The following CASR variants were observed in gnomAD, a reference collection of about 807,000 sequenced individuals.
CASR encodes extracellular calcium-sensing receptor.
A neutral mutation model predicts 69.1 loss-of-function variants in CASR; 23 were observed. That is an observed-to-expected ratio of 0.33 (90% CI 0.24 to 0.47). The LOEUF (loss-of-function observed/expected upper bound fraction) is 0.47, where lower values mean the gene tolerates loss of function less well. CASR is among the 20% of genes least tolerant of loss of function. The pLI is 1.00. For synonymous variants in CASR, 541 were observed against 544.7 expected (o/e 0.99, Z 0.10); for missense variants, 924 against 1,356.1 (o/e 0.68, Z 5.00).
intron 1 of CASR, among the ~76,000 whole-genome samples, chr3:122,187,635 G>A (rs1399695270): frequency 6.6e-6 from 1 of 152,206 alleles, no homozygotes; most frequent in Non-Finnish European, 1.5e-5. Context: ...GTCAGGGAAA[G>A]GTTCTTGGAG....
intron 2 of CASR, 90 bp from the exon 3 acceptor site, chr3:122,256,991 C>T (rs1576854176): frequency 5.7e-6 from 6 of 1,056,084 alleles, no homozygotes; most frequent in East Asian, 2.4e-5. Context: ...AGTAACAGTT[C>T]GATGATTCAA....
rs751813138 is a variant in CASR at position 122,262,113 on chromosome 3, C to T, written c.1078C>T (p.Leu360Phe). 1.9e-6 allele frequency: 3 copies of T among 1,614,178 alleles called. No homozygotes were observed. The highest frequency in any genetic ancestry group is 2.5e-6 in the Non-Finnish European group (3 of 1,180,028). Residue 360 changes from leucine (L) to phenylalanine (F), a missense_variant, in exon 4 of 7, where the codon CTC (leucine) becomes TTC (phenylalanine). Transcript: ENST00000639785. ...TTGGGAAGAAACATTTAACTGCCAC[C>T]TCCAAGAAGGTGCAAAAGGACCTTT... ...EFWEETFNCH[L>F]QEGAKGPLPV...
intron 1 of CASR, among the ~76,000 whole-genome samples, chr3:122,249,205 T>A (rs2074457974): frequency 6.6e-6 from 1 of 152,268 alleles, no homozygotes; most frequent in Non-Finnish European, 1.5e-5. Context: ...GGCCTTGGCC[T>A]CATGAAGTTT....
rs887793924 is a variant in CASR at position 122,260,768 on chromosome 3, T to G, written c.493-760T>G. ...TGGAGAGGAAGGGAGGTTTTTCTGA[T>G]GATATTTAATTACATACGTCATTGT... On this transcript the variant is annotated intron_variant, in intron 3 of 6. Coordinates refer to ENST00000639785, the MANE Select transcript of CASR (RefSeq NM_000388.4). Among the ~76,000 whole-genome samples the G allele has an allele frequency of 9.9e-5, 15 of 152,102 alleles. 1 individual carries two copies. The highest frequency in any genetic ancestry group is 3.1e-4 in the African/African-American group (13 of 41,488).
chr3:122,254,267 C>T lies in CASR; in HGVS notation c.78C>T (p.Ala26=), dbSNP rs77852524. The T allele has an allele frequency of 3.5e-5, 56 of 1,613,868 alleles. No individual in the cohort carries two copies. The Admixed American group carries it at 9.3e-4, about 27-fold the overall frequency. ...HTSAYGPDQR[A]QKKGDIILGG... ...CTGCCTACGGGCCAGACCAGCGAGC[C>T]CAAAAGAAGGGGGACATTATCCTTG... Residue 26 remains alanine (A), a synonymous_variant, in exon 2 of 7, where the codon GCC becomes GCT. Transcript: ENST00000639785.
chr3:122,235,265 G>A (rs1010440016), intron 1 of CASR, among the ~76,000 whole-genome samples: 2 of 152,232 alleles, frequency 1.3e-5, no homozygotes, highest in Non-Finnish European at 2.9e-5. Context: ...AAAGGTAGAC[G>A]CAAATGATAA....
At chr3:122,262,636 A>G (rs931263921) in intron 4 of CASR, among the ~76,000 whole-genome samples, 1 of 152,258 alleles carries the variant, frequency 6.6e-6, no homozygotes, top group Admixed American at 6.5e-5. Flanking sequence ...ACTGTTCTTT[A>G]GTCCAGTGAT....
In CASR at chr3:122,284,826, C is replaced by A. The variant is rs2074947724; in HGVS notation, c.2872C>A (p.Gln958Lys). 2 of 1,614,180 alleles carry A rather than the reference C, an allele frequency of 1.2e-6. No homozygotes were observed. The highest frequency in any genetic ancestry group is 1.7e-6 in the Non-Finnish European group (2 of 1,180,048). The part of the protein sequence containing the change: ...LTLPQQQRSQ[Q>K]QPRCKQKVIF... ...CCTCCCACAGCAGCAACGATCTCAG[C>A]AGCAGCCCAGATGCAAGCAGAAGGT... Residue 958 changes from glutamine (Q) to lysine (K), a missense_variant, in exon 7 of 7, where the codon CAG becomes AAG. This residue lies in a region of CASR where 201 missense variants were observed against 228.8 expected (regional missense o/e 0.88). Coordinates refer to ENST00000639785, the MANE Select transcript of CASR (RefSeq NM_000388.4).
intron 4 of CASR, among the ~76,000 whole-genome samples, chr3:122,263,144 T>C (rs2074647989): frequency 6.6e-6 from 1 of 152,206 alleles, no homozygotes; most frequent in Non-Finnish European, 1.5e-5. Context: ...ATGTGCCTTA[T>C]TTTTTTCAAT....
chr3:122,194,536 C>T (rs1326946659), intron 1 of CASR, among the ~76,000 whole-genome samples: 3 of 152,170 alleles, frequency 2.0e-5, no homozygotes, highest in Admixed American at 2.0e-4. Context: ...AGGTTTCACC[C>T]TTCCTAATCT....
At chr3:122,277,042 ACTTTT>A (rs2074830395) in intron 5 of CASR, among the ~76,000 whole-genome samples, 1 of 138,092 alleles carries the variant, frequency 7.2e-6, no homozygotes, top group East Asian at 2.0e-4. Flanking sequence ...ATCTTGGACC[ACTTTT>A]CTTTTTTTTT....
intron 1 of CASR, among the ~76,000 whole-genome samples, chr3:122,213,864 T>A (rs2074091503): frequency 1.3e-5 from 2 of 152,226 alleles, no homozygotes; most frequent in African/African-American, 4.8e-5. Context: ...GCAGCTGTGG[T>A]TGCTGAGAGG....
chr3:122,235,661 G>A (rs549971056), intron 1 of CASR, among the ~76,000 whole-genome samples: 1 of 152,196 alleles, frequency 6.6e-6, no homozygotes, highest in Non-Finnish European at 1.5e-5. Context: ...GCCTGGGGTA[G>A]TGGCATGTTC....
Position 122,261,951 on chromosome 3 carries a change from G to A in CASR, c.916G>A (p.Ala306Thr), listed in dbSNP as rs2074630775. 1.2e-6 allele frequency: 2 copies of A among 1,614,054 alleles called. No individual in the cohort carries two copies. Among genetic ancestry groups the A allele is most frequent in the Non-Finnish European group, 8.5e-7 (1 of 1,179,928 alleles). Reference protein sequence around the residue: ...SEAWASSSLIAMPQYFHVVGG... With the variant: ...SEAWASSSLITMPQYFHVVGG... ...GGCCTGGGCCAGCTCCTCCCTGATC[G>A]CCATGCCTCAGTACTTCCACGTGGT... The change falls in exon 4 of 7, where the codon GCC becomes ACC. Residue 306 changes from alanine (A) to threonine (T), a missense_variant. Ala to Thr is a moderately conservative substitution (Grantham distance 58). Coordinates refer to ENST00000639785, the MANE Select transcript of CASR (RefSeq NM_000388.4).
rs199508583 is a variant in CASR at position 122,284,268 on chromosome 3, G to A, written c.2314G>A (p.Ala772Thr). 21 of 1,613,984 alleles carry A rather than the reference G, an allele frequency of 1.3e-5. No individual in the cohort carries two copies. The highest frequency in any genetic ancestry group is 1.7e-5 in the Non-Finnish European group (20 of 1,180,036). ...FITCHEGSLMALGFLIGYTCL... is the reference protein window; with the variant it reads ...FITCHEGSLMTLGFLIGYTCL... ...CACGTGCCACGAGGGCTCCCTCATG[G>A]CCCTGGGCTTCCTGATCGGCTACAC... The change falls in exon 7 of 7, where the codon GCC (alanine) becomes ACC (threonine). Residue 772 changes from alanine (A) to threonine (T), a missense_variant. Physicochemically the swap from Ala to Thr is moderately conservative, Grantham distance 58 (BLOSUM62 0). Around this residue, in one of 8 missense-constraint regions of CASR, gnomAD observed 184 missense variants for 278.8 expected, o/e 0.66. Transcript: ENST00000639785.
chr3:122,257,476 C>A, intron 3 of CASR, 89 bp downstream of exon 3: 1 of 903,284 alleles, frequency 1.1e-6, no homozygotes, highest in Non-Finnish European at 1.7e-6. Flanking sequence ...TACGGTTTAC[C>A]ATATTCCCAT....
At chr3:122,228,444 C>G (rs2074247109) in intron 1 of CASR, among the ~76,000 whole-genome samples, 1 of 152,188 alleles carries the variant, frequency 6.6e-6, no homozygotes, top group Admixed American at 6.5e-5. Flanking sequence ...CCAAGCCTCA[C>G]TTGTGGAACG....
intron 1 of CASR, among the ~76,000 whole-genome samples, chr3:122,228,043 A>G (rs1216501914): frequency 6.6e-6 from 1 of 152,210 alleles, no homozygotes; most frequent in Non-Finnish European, 1.5e-5. Flanking sequence ...AGGGAGGAGC[A>G]GATTCGAATG....
At chr3:122,240,629 ACAGAAAGT>A (rs759393126) in intron 1 of CASR, among the ~76,000 whole-genome samples, 1 of 152,224 alleles carries the variant, frequency 6.6e-6, no homozygotes, top group Non-Finnish European at 1.5e-5. Context: ...GATCTTCCAG[ACAGAAAGT>A]CAGCAAAGAA....
Sources: gnomAD v4.1 joint callset for allele counts (sites outside exome capture counted in the v4.1 genomes callset) on GRCh38, gnomAD v4.1.1 for gene constraint, gnomAD v4.1.1 regional missense constraint, MANE v1.5 for transcripts, NCBI Gene and HGNC (gene_info 2026-07-23, HGNC 2026-07-21) for gene names.